DIP2B: variants seen among roughly 807,000 people sequenced by gnomAD.
DIP2B encodes disco-interacting protein 2 homolog B.
Under a neutral mutation model 198.0 loss-of-function variants are expected in DIP2B, and 76 were observed. That is an observed-to-expected ratio of 0.38 (90% CI 0.32 to 0.46). The LOEUF is 0.46. Among genes scored for constraint, DIP2B ranks in the 20% least tolerant of loss-of-function variants. The pLI is 0.99. For missense variants in DIP2B, 1,559 were observed against 1,978.4 expected, an observed-to-expected ratio of 0.79 and a Z score of 4.02; for synonymous variants, 701 against 739.1, an observed-to-expected ratio of 0.95 and a Z score of 0.84.
intron 1 of DIP2B, among the ~76,000 whole-genome samples, chr12:50,613,935 A>G (rs1266738133): frequency 6.6e-6 from 1 of 152,250 alleles, no homozygotes; most frequent in East Asian, 1.9e-4. Context: ...GTTTGTTGGT[A>G]GAATCGGTAT....
chr12:50,526,645 TTTTTTTTTG>T (rs1958167765), intron 1 of DIP2B, among the ~76,000 whole-genome samples: 1 of 138,848 alleles, frequency 7.2e-6, no homozygotes, highest in African/African-American at 2.7e-5. Flanking sequence ...TTTTTTTTTT[TTTTTTTTTG>T]AGACAGAGTT....
chr12:50,724,365 A>G (rs1939893110), intron 27 of DIP2B, among the ~76,000 whole-genome samples: 1 of 152,130 alleles, frequency 6.6e-6, no homozygotes, highest in Non-Finnish European at 1.5e-5. Flanking sequence ...TAGGTGTAGT[A>G]AGTCTCATCA....
intron 14 of DIP2B, among the ~76,000 whole-genome samples, chr12:50,694,065 T>C (rs1440867810): frequency 1.3e-5 from 2 of 152,176 alleles, no homozygotes; most frequent in Non-Finnish European, 1.5e-5. Context: ...CAGGACCTCC[T>C]GTAAGAAACA....
At chr12:50,551,690 C>T (rs4768850) in intron 1 of DIP2B, among the ~76,000 whole-genome samples, 41,550 of 152,064 alleles carry the variant, frequency 0.27, 6,018 homozygotes, top group East Asian at 0.39. Context: ...GTGATCTGCC[C>T]GCCTTGGCCT....
chr12:50,650,469 C>T (rs1158093626), intron 3 of DIP2B, among the ~76,000 whole-genome samples: 1 of 152,156 alleles, frequency 6.6e-6, no homozygotes, highest in Non-Finnish European at 1.5e-5. Flanking sequence ...AACAACAACT[C>T]ATTTCCCCCT....
intron 1 of DIP2B, among the ~76,000 whole-genome samples, chr12:50,541,460 G>A (rs753316252): frequency 1.5e-4 from 22 of 148,896 alleles, no homozygotes; most frequent in Non-Finnish European, 2.4e-4. Flanking sequence ...TGGGAGAACA[G>A]AGAAAGATAG....
chr12:50,540,145 A>G (rs79370249), intron 1 of DIP2B, among the ~76,000 whole-genome samples: 8,224 of 122,366 alleles, frequency 0.067, 639 homozygotes, highest in East Asian at 0.38. Context: ...GTTTCACTCT[A>G]TCACCCAGGC....
intron 1 of DIP2B, among the ~76,000 whole-genome samples, chr12:50,602,916 G>A (rs1408239134): frequency 6.8e-6 from 1 of 146,764 alleles, no homozygotes; most frequent in Non-Finnish European, 1.5e-5. Context: ...TGTAATCCCA[G>A]CACTTTGGGA....
At chr12:50,651,086 A>C (rs1938444138) in intron 3 of DIP2B, among the ~76,000 whole-genome samples, 1 of 152,142 alleles carries the variant, frequency 6.6e-6, no homozygotes, top group African/African-American at 2.4e-5. Context: ...TCCTTGAAGA[A>C]AGTGATGTTG....
chr12:50,548,877 A>G (rs1448189152), intron 1 of DIP2B, among the ~76,000 whole-genome samples: 6 of 152,204 alleles, frequency 3.9e-5, no homozygotes, highest in Non-Finnish European at 8.8e-5. Flanking sequence ...TCTGCACATC[A>G]CAAGGTACAG....
chr12:50,735,049 A>G (rs3742062), intron 33 of DIP2B, 24 bp from the exon 34 acceptor site: 530,644 of 1,613,450 alleles, frequency 0.33, 89,094 homozygotes, highest in Middle Eastern at 0.36. Flanking sequence ...AGCCCTATAT[A>G]TAGTAAATAC....
intron 3 of DIP2B, among the ~76,000 whole-genome samples, chr12:50,641,809 C>A (rs1052544693): frequency 6.6e-6 from 1 of 152,132 alleles, no homozygotes; most frequent in African/African-American, 2.4e-5. Flanking sequence ...CCTTCCCATG[C>A]CCACTTCCTG....
intron 10 of DIP2B, among the ~76,000 whole-genome samples, chr12:50,683,572 G>C (rs1939081850): frequency 1.3e-5 from 2 of 151,464 alleles, no homozygotes; most frequent in Non-Finnish European, 2.9e-5. Context: ...ACAAGGTCAG[G>C]AGATCGAGAC....
chr12:50,599,166 C>G (rs1258772862), intron 1 of DIP2B, among the ~76,000 whole-genome samples: 1 of 149,992 alleles, frequency 6.7e-6, no homozygotes, highest in Non-Finnish European at 1.5e-5. Context: ...GTGGCCTGCA[C>G]CTGTAGTCCC....
At chr12:50,717,896 CTTTTTTTT>C (rs60627093) in intron 23 of DIP2B, among the ~76,000 whole-genome samples, 2 of 87,062 alleles carry the variant, frequency 2.3e-5, no homozygotes, top group South Asian at 4.1e-4. Context: ...CCATTATTCA[CTTTTTTTT>C]TTTTTTTTTT....
chr12:50,713,279 T>C (rs925756946), intron 22 of DIP2B, among the ~76,000 whole-genome samples: 1 of 152,176 alleles, frequency 6.6e-6, no homozygotes, highest in African/African-American at 2.4e-5. Context: ...AGCACCAGAA[T>C]GTGGGTATTT....
chr12:50,546,315 C>T (rs752600417), intron 1 of DIP2B, among the ~76,000 whole-genome samples: 1 of 152,124 alleles, frequency 6.6e-6, no homozygotes, highest in East Asian at 1.9e-4. Context: ...GTGGGAGTTC[C>T]GTGTTGTGAA....
At chr12:50,616,662 T>C (rs1937705988) in intron 1 of DIP2B, among the ~76,000 whole-genome samples, 2 of 152,138 alleles carry the variant, frequency 1.3e-5, no homozygotes, top group South Asian at 4.1e-4. Context: ...CAGGAGCTGG[T>C]TTAATTGTTA....
At chr12:50,674,345 T>C in intron 5 of DIP2B, 129 bp from the exon 6 acceptor site, 1 of 932,552 alleles carries the variant, frequency 1.1e-6, no homozygotes, top group Non-Finnish European at 1.6e-6. Flanking sequence ...GATTTTTAAA[T>C]GTTGTTTTAC....
Sources: gnomAD v4.1 joint callset for allele counts (sites outside exome capture counted in the v4.1 genomes callset) on GRCh38, gnomAD v4.1.1 for gene constraint, MANE v1.5 for transcripts, NCBI Gene and HGNC (gene_info 2026-07-23, HGNC 2026-07-21) for gene names.